VPS13A: variants seen among roughly 807,000 people sequenced by gnomAD.
VPS13A encodes the protein vacuolar protein sorting 13 homolog A, also known as intermembrane lipid transfer protein VPS13A.
In VPS13A, 264 loss-of-function variants were observed where a neutral mutation model predicts 390.9. The observed-to-expected ratio is 0.68, with a 90% CI of 0.61 to 0.75. The LOEUF (loss-of-function observed/expected upper bound fraction) is 0.75, where lower values mean the gene tolerates loss of function less well. VPS13A is among the 30% of genes least tolerant of loss of function. VPS13A has a pLI of 0.00. For synonymous variants in VPS13A, 1,231 were observed against 1,227.1 expected, an observed-to-expected ratio of 1.00 and a Z score of -0.07; for missense variants, 3,409 against 3,733.9, an observed-to-expected ratio of 0.91 and a Z score of 2.27.
intron 5 of VPS13A, among the ~76,000 whole-genome samples, chr9:77,206,550 A>G (rs1303887419): frequency 6.6e-6 from 1 of 151,990 alleles, no homozygotes; most frequent in African/African-American, 2.4e-5. Context: ...ATATTTTCCA[A>G]TTAAACTTAG....
intron 7 of VPS13A, among the ~76,000 whole-genome samples, chr9:77,211,031 AAT>A (rs1564633365): frequency 6.6e-6 from 1 of 152,192 alleles, no homozygotes; most frequent in African/African-American, 2.4e-5. Flanking sequence ...AGTTTTTCTC[AAT>A]ATCATTATTA....
chr9:77,258,884 G>T (rs929834129), intron 22 of VPS13A, among the ~76,000 whole-genome samples: 3 of 152,026 alleles, frequency 2.0e-5, no homozygotes, highest in Non-Finnish European at 4.4e-5. Flanking sequence ...CAGGGTACCA[G>T]AAAAAGTAGG....
intron 67 of VPS13A, 35 bp from the exon 68 acceptor site, chr9:77,381,941 A>ATT: frequency 7.1e-7 from 1 of 1,413,726 alleles, no homozygotes; most frequent in Non-Finnish European, 9.8e-7. Context: ...TTTTTGAATA[A>ATT]TTTTTAAAAT....
At chr9:77,318,172 T>C in intron 40 of VPS13A, 63 bp from the exon 41 acceptor site, 1 of 857,756 alleles carries the variant, frequency 1.2e-6, no homozygotes. Flanking sequence ...ATATATTTAA[T>C]ATTTCTTGAC....
intron 1 of VPS13A, among the ~76,000 whole-genome samples, chr9:77,196,858 A>G (rs575298002): frequency 2.6e-5 from 4 of 152,298 alleles, no homozygotes; most frequent in African/African-American, 7.2e-5. Context: ...ATATTTATAC[A>G]TTAGTGGGAA....
intron 19 of VPS13A, among the ~76,000 whole-genome samples, chr9:77,241,768 G>T (rs1489501915): frequency 6.6e-6 from 1 of 152,160 alleles, no homozygotes; most frequent in Non-Finnish European, 1.5e-5. Flanking sequence ...AATTGCTTAA[G>T]ATGTTCTGGA....
At chr9:77,251,730 G>A (rs1274436743) in intron 21 of VPS13A, among the ~76,000 whole-genome samples, 3 of 151,966 alleles carry the variant, frequency 2.0e-5, no homozygotes, top group Non-Finnish European at 4.4e-5. Context: ...GAACATTTAG[G>A]CTCGTAACTC....
intron 46 of VPS13A, among the ~76,000 whole-genome samples, chr9:77,333,425 C>CTTTTTTTTTTTTTTTT (rs1830378868): frequency 8.8e-6 from 1 of 113,026 alleles, no homozygotes; most frequent in African/African-American, 3.1e-5. Context: ...TCTCATTAGG[C>CTTTTTTTTTTTTTTTT]ATTTTTTTTT....
Position 77,226,066 on chromosome 9 carries a change from A to C in VPS13A, c.1224+78A>C, listed in dbSNP as rs549484142. ...TGACAGATGTGATATTATTAATCTT[A>C]TACTGTAACATATTGTTTCCAAAAA... On this transcript the variant is annotated intron_variant, in intron 14 of 71. Coordinates refer to ENST00000360280, the MANE Select transcript of VPS13A (RefSeq NM_033305.3). 9.1e-5 allele frequency: 118 copies of C among 1,301,598 alleles called. 3 individuals are homozygous for C. The South Asian group carries it at 1.5e-3, about 16-fold the overall frequency. 80.6% of individuals were successfully genotyped at this position (1,301,598 alleles called of 1,614,324 possible). A position where few individuals can be genotyped will look rare whatever the true frequency, so the allele number is the denominator to read the frequency against.
chr9:77,344,056 T>A, intron 50 of VPS13A, 97 bp from the exon 51 acceptor site: 9 of 1,189,714 alleles, frequency 7.6e-6, no homozygotes, highest in South Asian at 1.5e-5. Flanking sequence ...CAGGTTTTTT[T>A]ATAGTTTAAG....
chr9:77,357,421 T>G (rs1007626500), intron 55 of VPS13A, among the ~76,000 whole-genome samples: 1 of 151,904 alleles, frequency 6.6e-6, no homozygotes, highest in East Asian at 1.9e-4. Context: ...AAATGTTTTA[T>G]TTTTTCACTG....
intron 19 of VPS13A, among the ~76,000 whole-genome samples, chr9:77,244,687 T>A (rs899849483): frequency 1.3e-5 from 2 of 151,588 alleles, no homozygotes; most frequent in South Asian, 4.2e-4. Flanking sequence ...ATTTCAGTGC[T>A]AGTTGGCAAA....
intron 59 of VPS13A, among the ~76,000 whole-genome samples, chr9:77,364,425 C>T (rs1832325089): frequency 6.6e-6 from 1 of 151,672 alleles, no homozygotes; most frequent in African/African-American, 2.4e-5. Flanking sequence ...GACTCCGTCT[C>T]GAAAAAAACA....
chr9:77,276,336 G>C (rs918090646), intron 26 of VPS13A, 115 bp downstream of exon 26: 1 of 985,654 alleles, frequency 1.0e-6, no homozygotes, highest in South Asian at 2.0e-5. Context: ...TATTCTCAGA[G>C]AACCATTCCT....
At chr9:77,375,661 A>G (rs540306544) in intron 67 of VPS13A, among the ~76,000 whole-genome samples, 6 of 152,356 alleles carry the variant, frequency 3.9e-5, no homozygotes, top group Admixed American at 3.9e-4. Context: ...CAAATGTACA[A>G]CAAAGGTGGA....
Position 77,416,139 on chromosome 9 carries a change from C to CA in VPS13A, c.*136dup. 1 of 1,111,138 alleles carries CA rather than the reference C, an allele frequency of 9.0e-7. No individual in the cohort carries two copies. Among genetic ancestry groups the CA allele is most frequent in the Non-Finnish European group, 1.3e-6 (1 of 761,728 alleles). 68.8% of individuals were successfully genotyped at this position (1,111,138 alleles called of 1,614,324 possible). On this transcript the variant is annotated 3_prime_UTR_variant, in exon 72 of 72. Coordinates refer to ENST00000360280, the MANE Select transcript of VPS13A (RefSeq NM_033305.3). ...TATTCTGGATGCTAAAAAACAAAAA[C>CA]AAACAAAAAAACAAAAACAAAAAAA...
chr9:77,288,932 T>A (rs1252085894), intron 31 of VPS13A, among the ~76,000 whole-genome samples: 1 of 152,198 alleles, frequency 6.6e-6, no homozygotes. Context: ...TGTATGAATT[T>A]TATGCCCCTT....
intron 22 of VPS13A, among the ~76,000 whole-genome samples, chr9:77,253,607 GT>G (rs1264398471): frequency 1.4e-4 from 22 of 152,044 alleles, no homozygotes; most frequent in African/African-American, 5.1e-4. Context: ...ACCCGGCTGA[GT>G]TGTGAGAGTT....
chr9:77,281,091 A>G (rs1338090736), intron 27 of VPS13A, among the ~76,000 whole-genome samples: 1 of 150,888 alleles, frequency 6.6e-6, no homozygotes, highest in African/African-American at 2.4e-5. Context: ...CTGAACTTAT[A>G]GAAGTAGAGA....
Sources: gnomAD v4.1 joint callset for allele counts (sites outside exome capture counted in the v4.1 genomes callset) on GRCh38, gnomAD v4.1.1 for gene constraint, MANE v1.5 for transcripts, NCBI Gene and HGNC (gene_info 2026-07-23, HGNC 2026-07-21) for gene names.